The following KLRD1 variants were observed in gnomAD, a reference collection of about 807,000 sequenced individuals.
KLRD1 encodes the protein killer cell lectin like receptor D1.
A neutral mutation model predicts 22.6 loss-of-function variants in KLRD1; 21 were observed. The ratio of observed to expected loss-of-function variants is 0.93; its 90% CI spans 0.66 to 1.34. The LOEUF (loss-of-function observed/expected upper bound fraction) is 1.34. Among genes scored for constraint, KLRD1 ranks in the 40% most tolerant of loss-of-function variants. The pLI, the probability that KLRD1 is intolerant of heterozygous loss-of-function variation, is 0.00. For synonymous variants in KLRD1, 59 were observed against 71.1 expected (o/e 0.83, Z 0.85); for missense variants, 183 against 208.6 (o/e 0.88, Z 0.76).
intron 1 of KLRD1, among the ~76,000 whole-genome samples, chr12:10,278,779 A>G (rs11053730): frequency 6.6e-6 from 1 of 152,152 alleles, no homozygotes; most frequent in Non-Finnish European, 1.5e-5. Flanking sequence ...AATGCAAATC[A>G]TGGCTGTTTT....
chr12:10,294,856 C>G (rs1483226736), intron 1 of KLRD1, among the ~76,000 whole-genome samples: 1 of 151,924 alleles, frequency 6.6e-6, no homozygotes, highest in Non-Finnish European at 1.5e-5. Context: ...AAGCTTGACA[C>G]AAAACAATTT....
chr12:10,239,573 TTCTTTCTTTCTTTTTC>T, intron 1 of KLRD1, among the ~76,000 whole-genome samples: 1 of 142,862 alleles, frequency 7.0e-6, no homozygotes, highest in South Asian at 2.2e-4. Context: ...CTTTCTTTCT[TTCTTTCTTTCTTTTTC>T]TTTCTTTCTT....
chr12:10,309,672 C>T lies in KLRD1; in HGVS notation c.147C>T (p.Asn49=), dbSNP rs1246418724. 1.2e-6 allele frequency: 2 copies of T among 1,612,406 alleles called. No individual in the cohort carries two copies. Among genetic ancestry groups the T allele is most frequent in the Non-Finnish European group, 1.7e-6 (2 of 1,178,652 alleles). ...SIEPAFTPGP[N]IELQKDSDCC... ...AGCCAGCATTTACTCCAGGACCCAA[C>T]ATAGAACTCCAGAAAGGTAGGTCAC... is the stretch of plus-strand genomic sequence containing the variant. The change falls in exon 3 of 6, where the codon AAC becomes AAT. Residue 49 remains asparagine (N), a synonymous_variant. Coordinates refer to ENST00000336164, the MANE Select transcript of KLRD1 (RefSeq NM_002262.5).
intron 1 of KLRD1, among the ~76,000 whole-genome samples, chr12:10,266,865 C>T (rs4144704): frequency 9.1e-5 from 13 of 142,492 alleles, no homozygotes; most frequent in South Asian, 2.2e-4. Context: ...AGCCTTATTT[C>T]TTTTTTTTGT....
chr12:10,296,446 G>A (rs1469213762), intron 1 of KLRD1, among the ~76,000 whole-genome samples: 1 of 152,226 alleles, frequency 6.6e-6, no homozygotes. Context: ...AACCCGGGAG[G>A]TGGAGCTTGC....
In KLRD1 at chr12:10,321,915, C is replaced by G. The variant is rs1235883418; in HGVS notation, c.*7122C>G. 1 of 152,160 alleles carries G rather than the reference C, an allele frequency of 6.6e-6. No homozygotes were observed. Among genetic ancestry groups the G allele is most frequent in the Admixed American group, 6.5e-5 (1 of 15,274 alleles). 9.4% of individuals were successfully genotyped at this position (152,160 alleles called of 1,614,324 possible). A position where few individuals can be genotyped will look rare whatever the true frequency, so the allele number is the denominator to read the frequency against. Reference sequence around the variant, plus strand: ...GCTAGAACCACCTAGCACAGTTGCTCTTGATTTCTGACCTCAGAAACTGTG... The same window carrying G: ...GCTAGAACCACCTAGCACAGTTGCTGTTGATTTCTGACCTCAGAAACTGTG... On this transcript the variant is annotated 3_prime_UTR_variant, in exon 6 of 6. Transcript: ENST00000336164.
rs561403971 is a variant in KLRD1 at position 10,326,080 on chromosome 12, T to C, written c.*11287T>C. The C allele has an allele frequency of 1.3e-5, 2 of 152,330 alleles. No individual in the cohort carries two copies. The highest frequency in any genetic ancestry group is 2.9e-5 in the Non-Finnish European group (2 of 68,030). 9.4% of individuals were successfully genotyped at this position (152,330 alleles called of 1,614,324 possible). ...TAGTGATATTGAGCATCATTTCATA[T>C]GCCCATTGACCCTTTGTATGTTTTT... is the stretch of plus-strand genomic sequence containing the variant. On this transcript the variant is annotated 3_prime_UTR_variant, in exon 6 of 6. Transcript: ENST00000336164.
intron 1 of KLRD1, among the ~76,000 whole-genome samples, chr12:10,285,790 CCTCTT>C (rs1333216313): frequency 1.3e-5 from 2 of 152,120 alleles, no homozygotes; most frequent in East Asian, 1.9e-4. Context: ...CCTATTCCCT[CCTCTT>C]CTCTTAACAG....
chr12:10,264,360 C>G (rs1949480536), intron 1 of KLRD1, among the ~76,000 whole-genome samples: 1 of 152,020 alleles, frequency 6.6e-6, no homozygotes, highest in East Asian at 1.9e-4. Context: ...GATATTTTAC[C>G]AATTTATATT....
At chr12:10,276,035 T>C (rs1949588982) in intron 1 of KLRD1, among the ~76,000 whole-genome samples, 1 of 152,206 alleles carries the variant, frequency 6.6e-6, no homozygotes, top group Non-Finnish European at 1.5e-5. Flanking sequence ...GTGAATAGAA[T>C]GAAACTATAC....
At chr12:10,293,024 A>ATT (rs1224037713) in intron 1 of KLRD1, among the ~76,000 whole-genome samples, 5 of 138,696 alleles carry the variant, frequency 3.6e-5, no homozygotes, top group Non-Finnish European at 6.3e-5. Flanking sequence ...CTAGTTTCCA[A>ATT]TTTTTTTTTT....
rs141209204 is a variant in KLRD1, at chr12:10,294,697, G to A, written c.-100-13281G>A. ...ATTATAGGTGTGAGCCACTGCACCC[G>A]GCCCCCATTTTGTTTTGACTGAAGT... On this transcript the variant is annotated intron_variant, in intron 1 of 5. Transcript: ENST00000544747. Among the ~76,000 whole-genome samples the A allele has an allele frequency of 7.6e-3, 1,162 of 152,182 alleles. 12 individuals carry two copies. Among genetic ancestry groups the A allele is most frequent in the Non-Finnish European group, 0.013 (861 of 68,012 alleles).
chr12:10,293,941 C>A (rs1949799695), intron 1 of KLRD1, among the ~76,000 whole-genome samples: 1 of 152,148 alleles, frequency 6.6e-6, no homozygotes, highest in African/African-American at 2.4e-5. Context: ...GGTTAACAGG[C>A]AGTATTTTTA....
At chr12:10,245,694 T>C (rs185996634) in intron 1 of KLRD1, among the ~76,000 whole-genome samples, 60 of 152,344 alleles carry the variant, frequency 3.9e-4, no homozygotes, top group African/African-American at 1.3e-3. Flanking sequence ...GACGTATGAT[T>C]AAATTAAACC....
intron 1 of KLRD1, among the ~76,000 whole-genome samples, chr12:10,264,682 C>CTGTGTGTGTGTGTGTGTG (rs1288838996): frequency 4.0e-4 from 60 of 149,866 alleles, no homozygotes; most frequent in African/African-American, 1.3e-3. Context: ...TAGTTACCTT[C>CTGTGTGTGTGTGTGTGTG]TGTGTGTGTG....
chr12:10,268,294 A>T (rs187246160), intron 1 of KLRD1, among the ~76,000 whole-genome samples: 1 of 152,230 alleles, frequency 6.6e-6, no homozygotes. Context: ...TTCGGTCAAC[A>T]GATGCAGGGT....
intron 1 of KLRD1, among the ~76,000 whole-genome samples, chr12:10,242,100 G>A (rs540578678): frequency 8.7e-4 from 111 of 127,622 alleles, no homozygotes; most frequent in Non-Finnish European, 1.3e-3. Flanking sequence ...TCAGAGAAGA[G>A]TGACTGTCTT....
intron 1 of KLRD1, among the ~76,000 whole-genome samples, chr12:10,260,634 C>T (rs1344811347): frequency 6.5e-5 from 6 of 92,268 alleles, no homozygotes; most frequent in Non-Finnish European, 1.3e-4. Flanking sequence ...AACCCCGTCT[C>T]TACTAAAAAT....
intron 1 of KLRD1, 118 bp downstream of exon 1, chr12:10,308,202 G>T (rs1205910085): frequency 8.5e-6 from 7 of 826,664 alleles, no homozygotes; most frequent in Non-Finnish European, 1.4e-5. Flanking sequence ...ATGTTTTTAG[G>T]ATTTTCATGC....
Sources: gnomAD v4.1 joint callset for allele counts (sites outside exome capture counted in the v4.1 genomes callset) on GRCh38, gnomAD v4.1.1 for gene constraint, MANE v1.5 for transcripts, NCBI Gene and HGNC (gene_info 2026-07-23, HGNC 2026-07-21) for gene names.